The following RMC1 variants were observed in gnomAD, a reference collection of about 807,000 sequenced individuals.
RMC1 encodes regulator of MON1-CCZ1.
A neutral mutation model predicts 95.5 loss-of-function variants in RMC1; 44 were observed. The ratio of observed to expected loss-of-function variants is 0.46; its 90% confidence interval spans 0.36 to 0.59. The LOEUF (loss-of-function observed/expected upper bound fraction) is 0.59. Among genes scored for constraint, RMC1 ranks in the 20% least tolerant of loss-of-function variants. The pLI is 0.00. For synonymous variants in RMC1, 320 were observed against 303.6 expected (o/e 1.05, Z -0.56); for missense variants, 705 against 819.6 (o/e 0.86, Z 1.71).
chr18:23,511,609 T>G (rs1436696319), intron 5 of RMC1, among the ~76,000 whole-genome samples: 2 of 152,158 alleles, frequency 1.3e-5, no homozygotes, highest in Non-Finnish European at 2.9e-5. Flanking sequence ...ACAAACTTCT[T>G]TTTAACAAAA....
At chr18:23,526,816 G>A (rs908050964) in intron 13 of RMC1, 51 bp downstream of exon 13, 9 of 1,591,836 alleles carry the variant, frequency 5.7e-6, no homozygotes, top group Non-Finnish European at 6.8e-6. Flanking sequence ...GGCCTGTGCT[G>A]CCCAACACTT....
intron 2 of RMC1, among the ~76,000 whole-genome samples, chr18:23,505,103 G>T (rs1253934786): frequency 2.0e-5 from 3 of 152,080 alleles, no homozygotes; most frequent in Non-Finnish European, 4.4e-5. Flanking sequence ...TGTTCCCCAG[G>T]GTGGAGTGCA....
chr18:23,520,095 C>A, intron 9 of RMC1, 107 bp from the exon 10 acceptor site: 1 of 806,578 alleles, frequency 1.2e-6, no homozygotes, highest in Non-Finnish European at 2.1e-6. Flanking sequence ...GGAGGAAATG[C>A]AAACACAGGC....
At chr18:23,516,196 TGGG>T in intron 6 of RMC1, 121 bp from the exon 7 acceptor site, 1 of 1,335,830 alleles carries the variant, frequency 7.5e-7, no homozygotes, top group South Asian at 1.2e-5. Flanking sequence ...TGAGAGGACA[TGGG>T]GGACGGTGGA....
chr18:23,524,507 T>A, intron 12 of RMC1, 25 bp downstream of exon 12: 1 of 1,611,404 alleles, frequency 6.2e-7, no homozygotes, highest in Non-Finnish European at 8.5e-7. Context: ...ACAGTTGTCG[T>A]GTTACAACAT....
chr18:23,516,721 CTTCTTCT>C (rs1312135077), intron 7 of RMC1, among the ~76,000 whole-genome samples: 1 of 34,872 alleles, frequency 2.9e-5, no homozygotes, highest in African/African-American at 1.2e-4. Flanking sequence ...TTTAGAATTT[CTTCTTCT>C]TTTTTTTTTT....
At chr18:23,518,476 AGAGG>A (rs2058065980) in intron 7 of RMC1, among the ~76,000 whole-genome samples, 1 of 152,142 alleles carries the variant, frequency 6.6e-6, no homozygotes, top group South Asian at 2.1e-4. Flanking sequence ...CCTGGGTGAC[AGAGG>A]GAGACCCTGT....
Position 23,503,522 on chromosome 18 carries a change from C to CGCA in RMC1, c.-94_-92dup, listed in dbSNP as rs1268377243. ...TCCGCGCCGGGCCCAGAGCCGCAGC[C>CGCA]GCAGCCGCCGCTACAGTCCGGGCCG... On this transcript the variant is annotated 5_prime_UTR_variant, in exon 1 of 20. Transcript: ENST00000269221. The CGCA allele has an allele frequency of 2.5e-6, 2 of 787,014 alleles. No homozygotes were observed. The highest frequency in any genetic ancestry group is 3.5e-6 in the Non-Finnish European group (2 of 571,450). 48.8% of individuals were successfully genotyped at this position (787,014 alleles called of 1,614,324 possible).
chr18:23,516,419 A>G lies in RMC1; in HGVS notation c.649A>G (p.Thr217Ala). The change falls in exon 7 of 20, where the codon ACC becomes GCC. Residue 217 changes from threonine (T) to alanine (A), a missense_variant. Physicochemically the swap from Thr to Ala is moderately conservative, Grantham distance 58 (BLOSUM62 0). Transcript: ENST00000269221. ...TTCCGAAAGAGACATCGCAATGGCT[A>G]CCATGTATGTCCGTGTCAGAGAGAA... Reference protein sequence around the residue: ...SLSERDIAMATIYGQLYVLFL... With the variant: ...SLSERDIAMAAIYGQLYVLFL... 4 of 1,613,678 alleles carry G rather than the reference A, an allele frequency of 2.5e-6. No homozygotes were observed. The highest frequency in any genetic ancestry group is 1.6e-4 in the Middle Eastern group (1 of 6,062).
intron 13 of RMC1, among the ~76,000 whole-genome samples, chr18:23,527,589 C>CTTTTTTTTTTTTTTTTTTTTTTTTTTTTT (rs71163615): frequency 9.2e-6 from 1 of 108,370 alleles, no homozygotes; most frequent in African/African-American, 3.6e-5. Context: ...CCTGCTATAG[C>CTTTTTTTTTTTTTTTTTTTTTTTTTTTTT]TTTTTTTTTT....
At position 23,518,912 on chromosome 18, in the gene RMC1, T is replaced by C. The variant is rs2058076144; in HGVS notation, c.676T>C (p.Phe226Leu). The change falls in exon 8 of 20, where the codon TTC (phenylalanine) becomes CTC (leucine). Residue 226 changes from phenylalanine to leucine, a missense_variant. By Grantham distance (22) the Phe-to-Leu change is conservative. Transcript: ENST00000269221. Reference protein sequence around the residue: ...ATIYGQLYVLFLRHHSRTSNS... With the variant: ...ATIYGQLYVLLLRHHSRTSNS... ...TAGATACGGGCAGCTGTATGTTCTCTTCTTGAGGCATCATTCTCGGACCTC... is the reference window on the plus strand; with the variant it reads ...TAGATACGGGCAGCTGTATGTTCTCCTCTTGAGGCATCATTCTCGGACCTC... The C allele has an allele frequency of 6.2e-7, 1 of 1,614,030 alleles. No homozygotes were observed. Among genetic ancestry groups the C allele is most frequent in the African/African-American group, 1.3e-5 (1 of 74,946 alleles).
At chr18:23,528,971 C>T (rs112132000) in intron 14 of RMC1, 1 of 670,718 alleles carries the variant, frequency 1.5e-6, no homozygotes, top group East Asian at 3.6e-5. Context: ...CCTCTGCCTC[C>T]TGGGTTCAAG....
intron 2 of RMC1, 82 bp from the exon 3 acceptor site, chr18:23,506,888 G>A (rs1027971311): frequency 2.1e-6 from 2 of 973,966 alleles, no homozygotes; most frequent in African/African-American, 3.3e-5. Flanking sequence ...CCTGAATATA[G>A]ATTGTGTCTT....
rs2058512288 is a variant in RMC1, at chr18:23,531,639, G to A, written c.1909G>A (p.Glu637Lys). 2 of 1,613,146 alleles carry A rather than the reference G, an allele frequency of 1.2e-6. No individual in the cohort carries two copies. The highest frequency in any genetic ancestry group is 3.3e-5 in the Admixed American group (2 of 59,846). ...PNFTPGEHCE[E>K]HVAFFKQIFG... ...TTCCTTTCTAGGGGAACACTGTGAA[G>A]AACATGTTGCTTTTTTCAAACAGAT... Residue 637 changes from glutamate (E) to lysine (K), a missense_variant, in exon 20 of 20, where the codon GAA (glutamate) becomes AAA (lysine). By Grantham distance (56) the Glu-to-Lys change is moderately conservative (BLOSUM62 1). Transcript: ENST00000269221.
chr18:23,524,897 T>C (rs2058248074), intron 12 of RMC1, among the ~76,000 whole-genome samples: 1 of 150,920 alleles, frequency 6.6e-6, no homozygotes, highest in African/African-American at 2.4e-5. Flanking sequence ...GCCTCCTCAG[T>C]CTGTTAATTG....
chr18:23,517,967 C>T (rs115134694), intron 7 of RMC1, among the ~76,000 whole-genome samples: 1 of 152,330 alleles, frequency 6.6e-6, no homozygotes, highest in East Asian at 1.9e-4. Flanking sequence ...ATCCTCCCGC[C>T]TCATCCTCCC....
rs772307702 is a variant in RMC1, at chr18:23,530,373, T to C, written c.1669-14T>C. On this transcript the variant is annotated splice_polypyrimidine_tract_variant and intron_variant, in intron 18 of 19. Coordinates refer to ENST00000269221, the MANE Select transcript of RMC1 (RefSeq NM_013326.5). ...TTGTTTGCACTGACCTGGACTTCTC[T>C]CCCTTACTGCTAGCGACTTTCAACA... 1.2e-6 allele frequency: 2 copies of C among 1,614,088 alleles called. No individual in the cohort carries two copies. The highest frequency in any genetic ancestry group is 3.3e-4 in the Middle Eastern group (2 of 6,062).
chr18:23,522,054 C>T (rs1042865476), intron 10 of RMC1, among the ~76,000 whole-genome samples: 14 of 152,178 alleles, frequency 9.2e-5, no homozygotes, highest in African/African-American at 3.1e-4. Context: ...TTCCTTGTAC[C>T]GTTCACCCGG....
chr18:23,524,011 C>A, intron 10 of RMC1, 119 bp from the exon 11 acceptor site: 1 of 1,143,034 alleles, frequency 8.7e-7, no homozygotes, highest in Non-Finnish European at 1.3e-6. Flanking sequence ...TCTTCCTTGA[C>A]TACAATTGAA....
Sources: gnomAD v4.1 joint callset for allele counts (sites outside exome capture counted in the v4.1 genomes callset) on GRCh38, gnomAD v4.1.1 for gene constraint, MANE v1.5 for transcripts, NCBI Gene and HGNC (gene_info 2026-07-23, HGNC 2026-07-21) for gene names.